SLC25A32: variants seen among roughly 807,000 people sequenced by gnomAD.
SLC25A32 encodes solute carrier family 25 member 32, also known as Glycine auxotroph B, complementation of hamster.
A neutral mutation model predicts 39.0 loss-of-function variants in SLC25A32; 32 were observed. That is an observed-to-expected ratio of 0.82 (90% CI 0.62 to 1.10). The LOEUF (loss-of-function observed/expected upper bound fraction) is 1.10. Ranked by LOEUF, SLC25A32 falls within the 50% of genes least tolerant of loss-of-function variation. The pLI is 0.00. For synonymous variants in SLC25A32, 166 were observed against 152.4 expected, an observed-to-expected ratio of 1.09 and a Z score of -0.66; for missense variants, 367 against 395.3, an observed-to-expected ratio of 0.93 and a Z score of 0.61.
Position 103,400,375 on chromosome 8 carries a change from C to A in SLC25A32, c.*36G>T. On this transcript the variant is annotated 3_prime_UTR_variant, in exon 7 of 7. Transcript: ENST00000297578. ...TTAAACACAAAAGAGCTTGTTGCTG[C>A]CTTGGGCAGATATACTGGAATTGTC... 1 of 1,612,058 alleles carries A rather than the reference C, an allele frequency of 6.2e-7. No homozygotes were observed. The highest frequency in any genetic ancestry group is 8.5e-7 in the Non-Finnish European group (1 of 1,179,152).
chr8:103,403,376 A>C (rs575282670), intron 3 of SLC25A32, 52 bp from the exon 4 acceptor site: 1 of 1,029,836 alleles, frequency 9.7e-7, no homozygotes, highest in East Asian at 2.7e-5. Context: ...TTTCGCACTT[A>C]TGACAACCCA....
At chr8:103,410,183 T>C (rs1467245848) in intron 1 of SLC25A32, among the ~76,000 whole-genome samples, 1 of 152,176 alleles carries the variant, frequency 6.6e-6, no homozygotes, top group Non-Finnish European at 1.5e-5. Flanking sequence ...TATAAACCAA[T>C]GCTGAACTAT....
Position 103,403,177 on chromosome 8 carries a change from C to T in SLC25A32, c.539G>A (p.Arg180His), listed in dbSNP as rs554925424. 6.3e-5 allele frequency: 101 copies of T among 1,600,598 alleles called. No homozygotes were observed. Among genetic ancestry groups the T allele is most frequent in the South Asian group, 4.7e-4 (42 of 89,126 alleles). Reference protein sequence around the residue: ...LVKIYKYEGVRGLYKGFVPGL... With the variant: ...LVKIYKYEGVHGLYKGFVPGL... ...ATAATTTGTTACCTTATATAATCCA[C>T]GCACACCTTCATACTTATATATTTT... is the stretch of plus-strand genomic sequence containing the variant. The change falls in exon 4 of 7, where the codon CGT becomes CAT. Residue 180 changes from arginine (R) to histidine (H), a missense_variant. Transcript: ENST00000297578.
At position 103,400,318 on chromosome 8, in the gene SLC25A32, C is replaced by T; in HGVS notation, c.*93G>A. On this transcript the variant is annotated 3_prime_UTR_variant, in exon 7 of 7. Coordinates refer to ENST00000297578, the MANE Select transcript of SLC25A32 (RefSeq NM_030780.5). ...CTATAGAGCAATTTCGAATATGAGC[C>T]ATGTTTCTATGCAGAATTCTTCTTT... The T allele has an allele frequency of 7.0e-7, 1 of 1,425,074 alleles. No individual in the cohort carries two copies. The highest frequency in any genetic ancestry group is 9.7e-7 in the Non-Finnish European group (1 of 1,026,988). The allele number at this position is 1,425,074 out of a possible 1,614,324, so 88.3% of individuals were successfully genotyped here.
At chr8:103,407,836 T>A (rs1418718814) in intron 1 of SLC25A32, 52 bp from the exon 2 acceptor site, 1 of 1,526,700 alleles carries the variant, frequency 6.6e-7, no homozygotes, top group South Asian at 1.2e-5. Flanking sequence ...TAGCTCTGTA[T>A]CACATATAAA....
chr8:103,413,441 T>C (rs1307158947), intron 1 of SLC25A32, among the ~76,000 whole-genome samples: 1 of 152,226 alleles, frequency 6.6e-6, no homozygotes, highest in Non-Finnish European at 1.5e-5. Context: ...AAATCCCAGA[T>C]CCATCTTTAC....
At chr8:103,404,729 AATTAAGTTTGGAAGGTGAC>A (rs745602447) in intron 3 of SLC25A32, 28 bp downstream of exon 3, 89 of 1,413,828 alleles carry the variant, frequency 6.3e-5, no homozygotes, top group Non-Finnish European at 8.4e-5. Flanking sequence ...CAAAACTGAA[AATTAAGTTTGGAAGGTGAC>A]ATTTTTATAT....
intron 1 of SLC25A32, among the ~76,000 whole-genome samples, chr8:103,409,592 T>C (rs943277104): frequency 6.6e-6 from 1 of 152,224 alleles, no homozygotes; most frequent in Non-Finnish European, 1.5e-5. Flanking sequence ...GTATTGAACC[T>C]GCCTTCCAGA....
chr8:103,414,727 G>A (rs1326580681), intron 1 of SLC25A32, 57 bp downstream of exon 1: 8 of 1,606,788 alleles, frequency 5.0e-6, no homozygotes, highest in African/African-American at 1.3e-5. Context: ...AGACGGAGGA[G>A]ATCCAGTTCG....
rs1346816249 is a variant in SLC25A32 at position 103,401,593 on chromosome 8, A to G, written c.735T>C (p.Tyr245=). The change falls in exon 6 of 7, where the codon TAT becomes TAC. Residue 245 remains tyrosine, a synonymous_variant. Coordinates refer to ENST00000297578, the MANE Select transcript of SLC25A32 (RefSeq NM_030780.5). Reference sequence around the variant, plus strand: ...CCTGAAGACGAGCTCTTACGACTTGATATGGGTATGTTGCTGCGACAGCAA... The same window carrying G: ...CCTGAAGACGAGCTCTTACGACTTGGTATGGGTATGTTGCTGCGACAGCAA... ...KIFAVAATYP[Y]QVVRARLQDQ... 8.7e-6 allele frequency: 14 copies of G among 1,613,800 alleles called. No homozygotes were observed. Among genetic ancestry groups the G allele is most frequent in the Admixed American group, 1.7e-5 (1 of 59,976 alleles).
chr8:103,406,929 A>T (rs1374151969), intron 2 of SLC25A32, among the ~76,000 whole-genome samples: 1 of 152,250 alleles, frequency 6.6e-6, no homozygotes, highest in Non-Finnish European at 1.5e-5. Context: ...CGGAAAAAAT[A>T]ACTTAGTTAT....
At chr8:103,409,492 A>T (rs3133814) in intron 1 of SLC25A32, among the ~76,000 whole-genome samples, 1 of 151,968 alleles carries the variant, frequency 6.6e-6, no homozygotes, top group Non-Finnish European at 1.5e-5. Context: ...CCGTACAACA[A>T]TCTGCATGAA....
In SLC25A32 at chr8:103,413,140, T is replaced by C. The variant is rs1395120698; in HGVS notation, c.154+1644A>G. Among the ~76,000 whole-genome samples the C allele has an allele frequency of 2.0e-5, 3 of 152,298 alleles. No homozygotes were observed. The East Asian group carries it at 5.8e-4, about 29-fold the overall frequency. On this transcript the variant is annotated intron_variant, in intron 1 of 6. Transcript: ENST00000297578. ...TACTCTTCCCAATTCATCAAGACTATTAATCTTCTCAGGTACCAAGAATTC... is the reference window on the plus strand; with the variant it reads ...TACTCTTCCCAATTCATCAAGACTACTAATCTTCTCAGGTACCAAGAATTC...
chr8:103,401,655 C>T lies in SLC25A32; in HGVS notation c.673G>A (p.Val225Ile). ...NRLPEAQLST[V>I]EYISVAALSK... is the part of the protein sequence containing the mutation. ...AGTGCTGCAACAGATATATATTCTA[C>T]TGTGCTCTAAAATGGCAATACAAAA... The change falls in exon 6 of 7, where the codon GTA (valine) becomes ATA (isoleucine). Residue 225 changes from valine to isoleucine, a missense_variant. Coordinates refer to ENST00000297578, the MANE Select transcript of SLC25A32 (RefSeq NM_030780.5). The T allele has an allele frequency of 1.9e-6, 3 of 1,596,144 alleles. No individual in the cohort carries two copies. Among genetic ancestry groups the T allele is most frequent in the Non-Finnish European group, 2.6e-6 (3 of 1,172,070 alleles).
In SLC25A32 at chr8:103,399,857, A is replaced by G. The variant is rs919204035; in HGVS notation, c.*554T>C. 2.6e-5 allele frequency: 4 copies of G among 153,024 alleles called. No individual in the cohort carries two copies. The highest frequency in any genetic ancestry group is 5.8e-5 in the Non-Finnish European group (4 of 68,706). 9.5% of individuals were successfully genotyped at this position (153,024 alleles called of 1,614,324 possible). On this transcript the variant is annotated 3_prime_UTR_variant, in exon 7 of 7. Coordinates refer to ENST00000297578, the MANE Select transcript of SLC25A32 (RefSeq NM_030780.5). Reference sequence around the variant, plus strand: ...GAGGTGGAGGTTGCAGTGAGCTGAGATCACGCCACTGCACTCCAGCCTGGG... The same window carrying G: ...GAGGTGGAGGTTGCAGTGAGCTGAGGTCACGCCACTGCACTCCAGCCTGGG...
rs1239736860 is a variant in SLC25A32, at chr8:103,414,970, G to A, written c.-33C>T. The A allele has an allele frequency of 6.3e-7, 1 of 1,581,408 alleles. No individual in the cohort carries two copies. The highest frequency in any genetic ancestry group is 1.3e-5 in the African/African-American group (1 of 74,090). On this transcript the variant is annotated 5_prime_UTR_variant, in exon 1 of 7. Transcript: ENST00000297578. ...GGGCCCGTCGACACCACGGCGCCCA[G>A]GGCCGCGGAGGTGGGACGCGATGCA...
rs998942072 is a variant in SLC25A32 at position 103,403,322 on chromosome 8, C to T, written c.394G>A (p.Ala132Thr). ...EYLVSAAEAG[A>T]MTLCITNPLW... ...GGGTTTGTAATGCAGAGGGTCATGG[C>T]TCCTAAAATGAGATTTCAATAAGAT... The change falls in exon 4 of 7, where the codon GCC becomes ACC. Residue 132 changes from alanine to threonine, a missense_variant and splice_region_variant. Coordinates refer to ENST00000297578, the MANE Select transcript of SLC25A32 (RefSeq NM_030780.5). 12 of 1,599,324 alleles carry T rather than the reference C, an allele frequency of 7.5e-6. No individual in the cohort carries two copies. Among genetic ancestry groups the T allele is most frequent in the Non-Finnish European group, 1.0e-5 (12 of 1,173,060 alleles).
intron 3 of SLC25A32, 39 bp downstream of exon 3, chr8:103,404,737 T>C: frequency 1.4e-6 from 2 of 1,470,844 alleles, no homozygotes; most frequent in Non-Finnish European, 1.9e-6. Context: ...AAAATTAAGT[T>C]TGGAAGGTGA....
chr8:103,406,065 G>GTATATA (rs1554628989), intron 2 of SLC25A32, among the ~76,000 whole-genome samples: 24 of 144,238 alleles, frequency 1.7e-4, no homozygotes, highest in African/African-American at 5.7e-4. Flanking sequence ...GTGTGTGTGT[G>GTATATA]TATATATATA....
Sources: gnomAD v4.1 joint callset for allele counts (sites outside exome capture counted in the v4.1 genomes callset) on GRCh38, gnomAD v4.1.1 for gene constraint, MANE v1.5 for transcripts, NCBI Gene and HGNC (gene_info 2026-07-23, HGNC 2026-07-21) for gene names.